PDE4D: variants seen among roughly 807,000 people sequenced by gnomAD.
PDE4D encodes 3',5'-cyclic-AMP phosphodiesterase 4D.
PDE4D carries 24 observed loss-of-function variants against 87.4 expected under a neutral mutation model. The ratio of observed to expected loss-of-function variants is 0.27; its 90% confidence interval spans 0.20 to 0.39. PDE4D has a LOEUF of 0.39. Among genes scored for constraint, PDE4D ranks in the 10% least tolerant of loss-of-function variants. PDE4D has a pLI of 1.00. For synonymous variants in PDE4D, 384 were observed against 383.2 expected (o/e 1.00, Z -0.02); for missense variants, 714 against 1,041.0 (o/e 0.69, Z 4.32).
intron 1 of PDE4D, among the ~76,000 whole-genome samples, chr5:59,596,173 A>G (rs1554038366): frequency 6.6e-6 from 1 of 151,536 alleles, no homozygotes; most frequent in Non-Finnish European, 1.5e-5. Context: ...CAGTTAACAG[A>G]GTTAGGTATA....
At chr5:59,108,457 T>G (rs1771994300) in intron 5 of PDE4D, among the ~76,000 whole-genome samples, 6 of 152,144 alleles carry the variant, frequency 3.9e-5, no homozygotes, top group Admixed American at 3.9e-4. Context: ...TGTGCACACA[T>G]GTGTGTATGT....
At chr5:59,085,038 T>C (rs1240632893) in intron 5 of PDE4D, among the ~76,000 whole-genome samples, 3 of 152,170 alleles carry the variant, frequency 2.0e-5, no homozygotes, top group South Asian at 2.1e-4. Flanking sequence ...GGCAATTCTT[T>C]AGTTTGACAA....
At chr5:60,277,330 A>G (rs1751476748) in intron 1 of PDE4D, among the ~76,000 whole-genome samples, 1 of 152,110 alleles carries the variant, frequency 6.6e-6, no homozygotes, top group Admixed American at 6.5e-5. Context: ...GAAGAAGTAA[A>G]ATTATTCCTA....
At chr5:60,316,760 C>T (rs1383422746) in intron 1 of PDE4D, among the ~76,000 whole-genome samples, 1 of 152,064 alleles carries the variant, frequency 6.6e-6, no homozygotes, top group African/African-American at 2.4e-5. Flanking sequence ...TGGTTTTTGT[C>T]ATTGGTTCTG....
At chr5:59,427,334 CACACG>C (rs1234197324) in intron 1 of PDE4D, among the ~76,000 whole-genome samples, 25 of 142,002 alleles carry the variant, frequency 1.8e-4, no homozygotes, top group African/African-American at 7.7e-4. Flanking sequence ...CACACACACA[CACACG>C]CCCCTATGCC....
At position 59,814,009 on chromosome 5, in the gene PDE4D, G is replaced by C. The variant is rs1479196450; in HGVS notation, c.455+79159C>G. 2.6e-5 allele frequency among the ~76,000 whole-genome samples: 4 copies of C among 152,286 alleles called. No individual in the cohort carries two copies. The South Asian group carries it at 6.2e-4, about 24-fold the overall frequency. ...ATTCTGTCCCTAAGTTAATGTAAGA[G>C]ATTCATACGCCTTAGGAAGACGAGA... On this transcript the variant is annotated intron_variant, in intron 1 of 14. Coordinates refer to ENST00000340635, the MANE Select transcript of PDE4D (RefSeq NM_001104631.2).
chr5:59,009,269 A>G (rs766581131), intron 6 of PDE4D, among the ~76,000 whole-genome samples: 1 of 152,164 alleles, frequency 6.6e-6, no homozygotes. Flanking sequence ...ATAAAGACCT[A>G]TATGAAAATG....
chr5:58,974,884 T>C lies in PDE4D; in HGVS notation c.2210A>G (p.Glu737Gly). ...RQGQTEKFQF[E>G]LTLEEDGESD... is the part of the protein sequence containing the mutation. The stretch of plus-strand genomic sequence containing the variant: ...CTCACCATCTTCCTCTAAAGTTAGT[T>C]CAAACTGGAATTTCTCAGTTTGACC... The change falls in exon 15 of 15, where the codon GAA becomes GGA. Residue 737 changes from glutamate (E) to glycine (G), a missense_variant. Glu to Gly is a moderately conservative substitution (Grantham distance 98). Transcript: ENST00000340635. 1 of 1,612,602 alleles carries C rather than the reference T, an allele frequency of 6.2e-7. No individual in the cohort carries two copies. The highest frequency in any genetic ancestry group is 8.5e-7 in the Non-Finnish European group (1 of 1,178,952).
intron 5 of PDE4D, among the ~76,000 whole-genome samples, chr5:59,068,462 C>CTGG (rs1417150287): frequency 6.6e-6 from 1 of 152,142 alleles, no homozygotes; most frequent in Non-Finnish European, 1.5e-5. Flanking sequence ...CTGACAGATG[C>CTGG]TGGATTCAGT....
rs70975364 is a variant in PDE4D at position 60,073,492 on chromosome 5, GTT to G, written c.43-84777_43-84776del. Among the ~76,000 whole-genome samples, 21 of 141,890 alleles carry G rather than the reference GTT, an allele frequency of 1.5e-4. No individual in the cohort carries two copies. The South Asian group carries it at 1.8e-3, about 12-fold the overall frequency. 93.1% of individuals were successfully genotyped at this position (141,890 alleles called of 152,430 possible). On this transcript the variant is annotated intron_variant, in intron 2 of 16. Coordinates refer to the PDE4D transcript ENST00000502484. ...TTTATTTTCTGTGTGTTTGCCAGGT[GTT>G]TTTTTTTTTTTTTAAATCAGGATGA...
At chr5:60,169,404 A>G (rs1003472266) in intron 2 of PDE4D, among the ~76,000 whole-genome samples, 1 of 152,128 alleles carries the variant, frequency 6.6e-6, no homozygotes, top group Non-Finnish European at 1.5e-5. Context: ...GGAGTTTTCA[A>G]AATATCTTAA....
intron 1 of PDE4D, among the ~76,000 whole-genome samples, chr5:59,262,515 T>C (rs1762187632): frequency 6.6e-6 from 1 of 151,792 alleles, no homozygotes. Context: ...AAAGCTGGCT[T>C]CACAATCGGA....
intron 1 of PDE4D, chr5:60,372,393 A>G (rs1195679882): frequency 2.0e-5 from 3 of 152,322 alleles, no homozygotes; most frequent in East Asian, 1.9e-4. Context: ...GCCTTTCTCA[A>G]TGGTCCACCA....
At chr5:59,594,547 C>T (rs112710520) in intron 1 of PDE4D, among the ~76,000 whole-genome samples, 2 of 152,012 alleles carry the variant, frequency 1.3e-5, no homozygotes, top group African/African-American at 4.8e-5. Context: ...TCTCAACCTC[C>T]TGACCTCAGG....
intron 1 of PDE4D, among the ~76,000 whole-genome samples, chr5:59,641,651 G>A (rs1741602557): frequency 6.6e-6 from 1 of 152,118 alleles, no homozygotes; most frequent in Non-Finnish European, 1.5e-5. Context: ...AAAGTCCATA[G>A]GCAGAGAATG....
At chr5:59,265,888 A>G (rs1331990386) in intron 1 of PDE4D, among the ~76,000 whole-genome samples, 1 of 152,054 alleles carries the variant, frequency 6.6e-6, no homozygotes, top group African/African-American at 2.4e-5. Context: ...AAATTGCCAC[A>G]ATTTTTAATT....
chr5:59,674,808 G>A (rs113834232), intron 1 of PDE4D, among the ~76,000 whole-genome samples: 1 of 152,172 alleles, frequency 6.6e-6, no homozygotes, highest in South Asian at 2.1e-4. Flanking sequence ...TAACACATAA[G>A]ATATTACTCA....
intron 13 of PDE4D, 138 bp downstream of exon 13, chr5:58,976,212 G>T: frequency 1.1e-6 from 1 of 904,002 alleles, no homozygotes. Flanking sequence ...ATAAAAATTT[G>T]GATAAAAATC....
At chr5:59,624,964 T>C (rs1830730357) in intron 1 of PDE4D, among the ~76,000 whole-genome samples, 1 of 152,214 alleles carries the variant, frequency 6.6e-6, no homozygotes, top group East Asian at 1.9e-4. Flanking sequence ...TTCCACATCT[T>C]GGCTAATACA....
Sources: allele counts gnomAD v4.1 joint callset (sites outside exome capture counted in the v4.1 genomes callset), GRCh38; gene constraint gnomAD v4.1.1; transcripts MANE v1.5; gene names NCBI Gene and HGNC (gene_info 2026-07-23, HGNC 2026-07-21).